Variants in ATP6V0A4 observed in about 807,000 individuals in gnomAD.
ATP6V0A4 encodes the protein ATPase H+ transporting V0 subunit a4.
Under a neutral mutation model 107.3 loss-of-function variants are expected in ATP6V0A4, and 86 were observed. The ratio of observed to expected loss-of-function variants is 0.80; its 90% CI spans 0.67 to 0.96. ATP6V0A4 has a LOEUF of 0.96. ATP6V0A4 is among the 40% of genes least tolerant of loss of function. The pLI is 0.00. For missense variants in ATP6V0A4, 908 were observed against 1,045.6 expected, an observed-to-expected ratio of 0.87 and a Z score of 1.81; for synonymous variants, 353 against 381.4, an observed-to-expected ratio of 0.93 and a Z score of 0.87.
Position 138,771,243 on chromosome 7 carries a change from A to G in ATP6V0A4, c.5T>C (p.Val2Ala), listed in dbSNP as rs10258719. Residue 2 changes from valine (V) to alanine (A), a missense_variant, in exon 3 of 22, where the codon GTG becomes GCG. By Grantham distance (64) the Val-to-Ala change is moderately conservative. Transcript: ENST00000310018. MVSVFRSEEMCL... is the reference protein window; with the variant it reads MASVFRSEEMCL... ...CATCTCCTCGCTTCGAAACACAGAC[A>G]CCATCTTGGCCCAGCCTCGGTCTAC... 1,157,285 of 1,612,452 alleles carry G rather than the reference A, an allele frequency of 0.72. 417,944 individuals carry two copies. The highest frequency in any genetic ancestry group is 0.77 in the South Asian group (70,419 of 91,032).
chr7:138,741,909 T>C (rs1184569755), intron 14 of ATP6V0A4, among the ~76,000 whole-genome samples: 2 of 152,210 alleles, frequency 1.3e-5, no homozygotes, highest in Non-Finnish European at 2.9e-5. Flanking sequence ...TTCTGCCTTA[T>C]ACTCCTGACC....
intron 3 of ATP6V0A4, 72 bp from the exon 4 acceptor site, chr7:138,769,323 T>C: frequency 6.4e-7 from 1 of 1,564,402 alleles, no homozygotes; most frequent in Non-Finnish European, 8.6e-7. Flanking sequence ...TTTTTTTTTT[T>C]TTTTTTTTGA....
intron 1 of ATP6V0A4, among the ~76,000 whole-genome samples, chr7:138,797,203 ATTTTCTTTT>A (rs907228483): frequency 5.7e-5 from 6 of 105,724 alleles, no homozygotes; most frequent in Non-Finnish European, 1.1e-4. Flanking sequence ...GCCAAATGCC[ATTTTCTTTT>A]TTTTTTTTTT....
chr7:138,715,910 C>A (rs1804012113), intron 19 of ATP6V0A4, 29 bp from the exon 20 acceptor site: 1 of 1,609,450 alleles, frequency 6.2e-7, no homozygotes, highest in Non-Finnish European at 8.5e-7. Flanking sequence ...TATTTTACTT[C>A]ATTGAGAATT....
In ATP6V0A4 at chr7:138,723,523, C is replaced by CTTTTTTTTTTT. The variant is rs10528520; in HGVS notation, c.2011-1509_2011-1499dup. ...ACGTATCTGGACCCTTCTTTCTTTT[C>CTTTTTTTTTTT]TTTTTTTTTTTTTTTTTTTTGAGAA... On this transcript the variant is annotated intron_variant, in intron 18 of 21. Transcript: ENST00000310018. Among the ~76,000 whole-genome samples the CTTTTTTTTTTT allele has an allele frequency of 4.7e-5, 6 of 128,166 alleles. 1 individual carries two copies. The highest frequency in any genetic ancestry group is 4.9e-5 in the Non-Finnish European group (3 of 61,528). The allele number at this position is 128,166 out of a possible 152,430, so 84.1% of individuals were successfully genotyped here. A position where few individuals can be genotyped will look rare whatever the true frequency, so the allele number is the denominator to read the frequency against.
intron 1 of ATP6V0A4, among the ~76,000 whole-genome samples, chr7:138,797,130 C>T (rs2130250147): frequency 6.6e-6 from 1 of 152,008 alleles, no homozygotes; most frequent in African/African-American, 2.4e-5. Context: ...ATCTGTCCCT[C>T]TACCTATAAT....
intron 19 of ATP6V0A4, among the ~76,000 whole-genome samples, chr7:138,720,654 T>C (rs1001150037): frequency 2.5e-5 from 3 of 121,626 alleles, no homozygotes; most frequent in African/African-American, 6.4e-5. Flanking sequence ...TTTTTTTTTT[T>C]CCAGACAGTC....
intron 2 of ATP6V0A4, among the ~76,000 whole-genome samples, chr7:138,780,557 C>T (rs73166972): frequency 0.088 from 13,264 of 151,228 alleles, 674 homozygotes; most frequent in African/African-American, 0.14. Flanking sequence ...AGATTGGGCA[C>T]TCAGCAGTGG....
chr7:138,733,868 A>AC (rs1175310707), intron 16 of ATP6V0A4, among the ~76,000 whole-genome samples: 1 of 152,036 alleles, frequency 6.6e-6, no homozygotes, highest in East Asian at 1.9e-4. Flanking sequence ...GAGACACCGC[A>AC]CCTGGCCTCC....
chr7:138,734,777 C>CAA lies in ATP6V0A4; in HGVS notation c.1573-525_1573-524dup, dbSNP rs528307650. On this transcript the variant is annotated intron_variant, in intron 15 of 21. Transcript: ENST00000310018. ...TGGGCGAAAGAGCAAGACTCTGTCT[C>CAA]AAAAAAAAAAAAAAAAAAAAAAGAG... Among the ~76,000 whole-genome samples the CAA allele has an allele frequency of 5.6e-3, 615 of 108,864 alleles. 5 individuals are homozygous for CAA. Among genetic ancestry groups the CAA allele is most frequent in the African/African-American group, 0.019 (556 of 29,516 alleles). The allele number at this position is 108,864 out of a possible 152,430, so 71.4% of individuals were successfully genotyped here.
rs954049917 is a variant in ATP6V0A4 at position 138,728,509 on chromosome 7, G to A, written c.2010+252C>T. The stretch of plus-strand genomic sequence containing the variant: ...CCCAAAGTGCTAGGATTACAGGCGT[G>A]GGCTACTGCGACCAGCCGAGACATA... On this transcript the variant is annotated intron_variant, in intron 18 of 21. Coordinates refer to ENST00000310018, the MANE Select transcript of ATP6V0A4 (RefSeq NM_020632.3). Among the ~76,000 whole-genome samples the A allele has an allele frequency of 2.9e-5, 4 of 136,100 alleles. No individual in the cohort carries two copies. The South Asian group carries it at 7.3e-4, about 25-fold the overall frequency. 89.3% of individuals were successfully genotyped at this position (136,100 alleles called of 152,430 possible). A position where few individuals can be genotyped will look rare whatever the true frequency, so the allele number is the denominator to read the frequency against.
intron 11 of ATP6V0A4, among the ~76,000 whole-genome samples, chr7:138,751,013 G>A (rs414445): frequency 1.3e-5 from 2 of 151,138 alleles, no homozygotes; most frequent in South Asian, 2.1e-4. Context: ...CCTTCCTCCC[G>A]CCCCCAACCT....
chr7:138,749,993 C>G (rs2117284095), intron 11 of ATP6V0A4, among the ~76,000 whole-genome samples: 1 of 152,302 alleles, frequency 6.6e-6, no homozygotes, highest in African/African-American at 2.4e-5. Flanking sequence ...CTCCGTTTAT[C>G]TAACACCTAG....
At chr7:138,730,263 C>T (rs928796401) in intron 17 of ATP6V0A4, among the ~76,000 whole-genome samples, 8 of 152,128 alleles carry the variant, frequency 5.3e-5, no homozygotes, top group Non-Finnish European at 1.0e-4. Context: ...AGTACCCGCA[C>T]ACAATGCTGT....
chr7:138,795,042 C>A (rs1236916228), intron 1 of ATP6V0A4, among the ~76,000 whole-genome samples: 1 of 152,016 alleles, frequency 6.6e-6, no homozygotes, highest in Non-Finnish European at 1.5e-5. Context: ...GGATTACAGG[C>A]ATGCACCACC....
intron 2 of ATP6V0A4, among the ~76,000 whole-genome samples, chr7:138,785,433 G>A (rs1405980309): frequency 1.3e-5 from 2 of 151,826 alleles, no homozygotes; most frequent in Non-Finnish European, 2.9e-5. Flanking sequence ...GCACCACCAC[G>A]CCCGGTTAAT....
chr7:138,790,623 A>G (rs745865604), intron 1 of ATP6V0A4, among the ~76,000 whole-genome samples: 2 of 152,124 alleles, frequency 1.3e-5, no homozygotes, highest in Non-Finnish European at 2.9e-5. Flanking sequence ...GCTACCCTTT[A>G]TTTCATTATA....
At chr7:138,795,549 A>G (rs978586165) in intron 1 of ATP6V0A4, among the ~76,000 whole-genome samples, 1 of 152,254 alleles carries the variant, frequency 6.6e-6, no homozygotes, top group Admixed American at 6.5e-5. Flanking sequence ...AGCGTCCCAC[A>G]TTAAATCGTT....
intron 14 of ATP6V0A4, among the ~76,000 whole-genome samples, chr7:138,742,464 C>G (rs556933848): frequency 1.3e-5 from 2 of 152,140 alleles, no homozygotes; most frequent in African/African-American, 4.8e-5. Context: ...TAAAACTCAT[C>G]TCTATACTTA....
Sources: allele counts gnomAD v4.1 joint callset (sites outside exome capture counted in the v4.1 genomes callset), GRCh38; gene constraint gnomAD v4.1.1; transcripts MANE v1.5; gene names NCBI Gene and HGNC (gene_info 2026-07-23, HGNC 2026-07-21).